ANKRD44: variants seen among roughly 807,000 people sequenced by gnomAD.
ANKRD44 encodes the protein ankyrin repeat domain 44, also known as serine/threonine-protein phosphatase 6 regulatory ankyrin repeat subunit B.
Under a neutral mutation model 116.0 loss-of-function variants are expected in ANKRD44, and 35 were observed. That is an observed-to-expected ratio of 0.30 (90% confidence interval 0.23 to 0.40). The LOEUF is 0.40. Among genes scored for constraint, ANKRD44 ranks in the 10% least tolerant of loss-of-function variants. The pLI is 1.00. For synonymous variants in ANKRD44, 435 were observed against 461.8 expected, an observed-to-expected ratio of 0.94 and a Z score of 0.74; for missense variants, 1,014 against 1,242.6, an observed-to-expected ratio of 0.82 and a Z score of 2.77.
chr2:197,148,313 C>T (rs1159342969), intron 2 of ANKRD44, among the ~76,000 whole-genome samples: 1 of 152,178 alleles, frequency 6.6e-6, no homozygotes, highest in Non-Finnish European at 1.5e-5. Flanking sequence ...ATACTTGGTG[C>T]TCAGCATAAA....
intron 11 of ANKRD44, 50 bp downstream of exon 11, chr2:197,089,900 C>T (rs1252485954): frequency 6.5e-7 from 1 of 1,529,998 alleles, no homozygotes; most frequent in Non-Finnish European, 9.1e-7. Flanking sequence ...AAGCCATTGA[C>T]TCATGTACAG....
At chr2:197,152,138 T>C (rs1282291334) in intron 2 of ANKRD44, among the ~76,000 whole-genome samples, 2 of 152,192 alleles carry the variant, frequency 1.3e-5, no homozygotes, top group Non-Finnish European at 2.9e-5. Flanking sequence ...TGGAATCCAG[T>C]ACCAGGACAG....
rs559948971 is a variant in ANKRD44, at chr2:197,193,741, G to T, written c.28-6635C>A. On this transcript the variant is annotated intron_variant, in intron 1 of 27. Coordinates refer to ENST00000282272, the MANE Select transcript of ANKRD44 (RefSeq NM_001195144.2). ...AAAAATACAAAAAAAACTTAGCCGG[G>T]CCTGGTGGCGGTCGCCCGTAGTCCC... 5.5e-4 allele frequency among the ~76,000 whole-genome samples: 84 copies of T among 152,196 alleles called. 2 individuals carry two copies. In the South Asian group the frequency reaches 0.017, roughly 31 times the overall value.
At chr2:197,108,887 CAA>C (rs2078500463) in intron 9 of ANKRD44, among the ~76,000 whole-genome samples, 2 of 151,508 alleles carry the variant, frequency 1.3e-5, no homozygotes, top group African/African-American at 4.9e-5. Context: ...CACAAATAAA[CAA>C]AAAAAGTCTA....
chr2:197,244,993 G>A (rs2082160169), intron 1 of ANKRD44, among the ~76,000 whole-genome samples: 1 of 152,174 alleles, frequency 6.6e-6, no homozygotes, highest in African/African-American at 2.4e-5. Context: ...CAATAATAAA[G>A]GCCGGGTGTG....
chr2:197,005,305 T>C lies in ANKRD44; in HGVS notation c.2347+389A>G, dbSNP rs578026907. ...AAAAGATGAACCATGCATCTACTAG[T>C]AATCAATTGTGACAGGTTATTAAAT... is the stretch of plus-strand genomic sequence containing the variant. On this transcript the variant is annotated intron_variant, in intron 21 of 27. Transcript: ENST00000282272. Among the ~76,000 whole-genome samples, 23 of 152,330 alleles carry C rather than the reference T, an allele frequency of 1.5e-4. No homozygotes were observed. In the East Asian group the frequency reaches 4.4e-3, roughly 29 times the overall value.
At chr2:197,003,969 T>C (rs1180516747) in intron 21 of ANKRD44, among the ~76,000 whole-genome samples, 2 of 151,914 alleles carry the variant, frequency 1.3e-5, no homozygotes, top group Non-Finnish European at 2.9e-5. Flanking sequence ...AGGTCTTAAA[T>C]TGATATAATT....
At chr2:197,073,244 C>T (rs1175074530) in intron 16 of ANKRD44, among the ~76,000 whole-genome samples, 3 of 152,200 alleles carry the variant, frequency 2.0e-5, no homozygotes, top group Non-Finnish European at 2.9e-5. Context: ...AATTGTCCCT[C>T]TCTTAGATGC....
chr2:197,127,546 T>C (rs932388070), intron 4 of ANKRD44, among the ~76,000 whole-genome samples: 1 of 152,158 alleles, frequency 6.6e-6, no homozygotes, highest in Non-Finnish European at 1.5e-5. Flanking sequence ...GGCTAAAAAT[T>C]AATACCCAGG....
chr2:197,128,880 A>C (rs2079035806), intron 4 of ANKRD44, among the ~76,000 whole-genome samples: 1 of 152,210 alleles, frequency 6.6e-6, no homozygotes, highest in Admixed American at 6.5e-5. Context: ...TTTCAAATCC[A>C]TCACTTTTGA....
intron 21 of ANKRD44, among the ~76,000 whole-genome samples, chr2:196,968,878 T>G (rs934635504): frequency 7.2e-5 from 11 of 152,178 alleles, no homozygotes; most frequent in African/African-American, 2.4e-4. Context: ...CTGTAGGCAG[T>G]CCTCTCATCT....
intron 1 of ANKRD44, among the ~76,000 whole-genome samples, chr2:197,236,396 A>G (rs1444578495): frequency 1.3e-5 from 2 of 152,180 alleles, no homozygotes; most frequent in East Asian, 1.9e-4. Context: ...CTGAACCCCA[A>G]TTAGCAAATG....
At chr2:197,001,444 T>C (rs1345418349) in intron 22 of ANKRD44, among the ~76,000 whole-genome samples, 3 of 152,262 alleles carry the variant, frequency 2.0e-5, no homozygotes, top group African/African-American at 7.2e-5. Flanking sequence ...GACTTATTTT[T>C]AGAATTTGGC....
chr2:197,216,111 AC>A (rs1310847295), intron 1 of ANKRD44, among the ~76,000 whole-genome samples: 1 of 152,150 alleles, frequency 6.6e-6, no homozygotes, highest in African/African-American at 2.4e-5. Context: ...AGAAGACATC[AC>A]CTACCTCTTC....
rs2083474121 is a variant in ANKRD44, at chr2:197,288,647, TA to T, written c.27+21930del. Among the ~76,000 whole-genome samples, 3 of 151,700 alleles carry T rather than the reference TA, an allele frequency of 2.0e-5. No homozygotes were observed. The East Asian group carries it at 5.8e-4, about 29-fold the overall frequency. On this transcript the variant is annotated intron_variant, in intron 1 of 27. Transcript: ENST00000282272. The stretch of plus-strand genomic sequence containing the variant: ...TATATATATACACATACACACGTGA[TA>T]TATATATATACACATATACACACAC...
intron 1 of ANKRD44, among the ~76,000 whole-genome samples, chr2:197,191,968 T>A (rs1296433704): frequency 1.3e-5 from 2 of 152,104 alleles, no homozygotes; most frequent in Non-Finnish European, 2.9e-5. Flanking sequence ...ATGAAAAAAA[T>A]ATGCTACTGA....
intron 1 of ANKRD44, among the ~76,000 whole-genome samples, chr2:197,189,685 C>A (rs189466520): frequency 3.0e-4 from 46 of 152,322 alleles, no homozygotes; most frequent in African/African-American, 1.1e-3. Context: ...AGAAAACAAG[C>A]AACAAACCTC....
intron 1 of ANKRD44, among the ~76,000 whole-genome samples, chr2:197,246,350 C>CTTTTTTTTTTTTTTTTTTTTTTTT (rs67655796): frequency 1.5e-5 from 1 of 65,876 alleles, no homozygotes; most frequent in Non-Finnish European, 2.5e-5. Context: ...CTACATCTGG[C>CTTTTTTTTTTTTTTTTTTTTTTTT]TTTTTTTTTT....
chr2:197,063,533 G>A (rs765523058), intron 16 of ANKRD44, among the ~76,000 whole-genome samples: 2 of 152,142 alleles, frequency 1.3e-5, no homozygotes, highest in Admixed American at 6.6e-5. Context: ...CGAACCCATC[G>A]CAAAGAAGCT....
Sources: allele counts gnomAD v4.1 joint callset (sites outside exome capture counted in the v4.1 genomes callset), GRCh38; gene constraint gnomAD v4.1.1; transcripts MANE v1.5; gene names NCBI Gene and HGNC (gene_info 2026-07-23, HGNC 2026-07-21).